PTPRG: variants seen among roughly 807,000 people sequenced by gnomAD.
PTPRG encodes the protein receptor-type tyrosine-protein phosphatase gamma.
In PTPRG, 102 loss-of-function variants were observed where a neutral mutation model predicts 165.3. That is an observed-to-expected ratio of 0.62 (90% CI 0.53 to 0.73). The LOEUF (loss-of-function observed/expected upper bound fraction) is 0.73. Among genes scored for constraint, PTPRG ranks in the 30% least tolerant of loss-of-function variants. The pLI, the probability that PTPRG is intolerant of heterozygous loss-of-function variation, is 0.00. For missense variants in PTPRG, 1,866 were observed against 1,861.4 expected (o/e 1.00, Z -0.05); for synonymous variants, 675 against 669.5 (o/e 1.01, Z -0.13).
chr3:61,836,392 T>C (rs1159208307), intron 2 of PTPRG, among the ~76,000 whole-genome samples: 2 of 152,172 alleles, frequency 1.3e-5, no homozygotes, highest in African/African-American at 4.8e-5. Flanking sequence ...AGTTGTAACA[T>C]TTTGAGGCCT....
chr3:62,168,817 A>G (rs1576088851), intron 8 of PTPRG, among the ~76,000 whole-genome samples: 2 of 152,186 alleles, frequency 1.3e-5, no homozygotes, highest in South Asian at 4.1e-4. Context: ...CTTGGTACCC[A>G]GGTCCTTGTC....
intron 1 of PTPRG, among the ~76,000 whole-genome samples, chr3:61,696,762 G>A (rs979629814): frequency 6.6e-6 from 1 of 152,342 alleles, no homozygotes; most frequent in South Asian, 2.1e-4. Flanking sequence ...TTTAGCCAGT[G>A]TAGGGTAGAC....
At chr3:61,936,913 G>C (rs2039496471) in intron 2 of PTPRG, among the ~76,000 whole-genome samples, 1 of 152,232 alleles carries the variant, frequency 6.6e-6, no homozygotes, top group Non-Finnish European at 1.5e-5. Context: ...TGGCTTAGAA[G>C]CAGAACTTGA....
At chr3:62,139,323 G>A (rs1416464290) in intron 6 of PTPRG, among the ~76,000 whole-genome samples, 1 of 152,060 alleles carries the variant, frequency 6.6e-6, no homozygotes, top group Non-Finnish European at 1.5e-5. Context: ...ACCAGGCTTG[G>A]TGGCGGGCAC....
chr3:62,009,488 A>C (rs1164872104), intron 4 of PTPRG, among the ~76,000 whole-genome samples: 1 of 152,088 alleles, frequency 6.6e-6, no homozygotes. Context: ...TTGACCTCCT[A>C]CTGCACTCTT....
At chr3:61,578,345 G>A (rs1479984308) in intron 1 of PTPRG, among the ~76,000 whole-genome samples, 1 of 152,198 alleles carries the variant, frequency 6.6e-6, no homozygotes, top group East Asian at 1.9e-4. Context: ...CCTGGTGCCT[G>A]ATGAAAGAGC....
At chr3:62,098,954 C>T (rs951057530) in intron 5 of PTPRG, among the ~76,000 whole-genome samples, 3 of 152,138 alleles carry the variant, frequency 2.0e-5, no homozygotes, top group African/African-American at 4.8e-5. Flanking sequence ...AAACAAAAGG[C>T]ATATCGTAGT....
intron 6 of PTPRG, among the ~76,000 whole-genome samples, chr3:62,137,730 A>G (rs1311813477): frequency 1.3e-5 from 2 of 152,136 alleles, no homozygotes; most frequent in South Asian, 2.1e-4. Context: ...TGAGCTGGTC[A>G]TCACTCGTTG....
At chr3:61,592,440 CAGTA>C (rs889838097) in intron 1 of PTPRG, among the ~76,000 whole-genome samples, 7 of 152,076 alleles carry the variant, frequency 4.6e-5, no homozygotes, top group Non-Finnish European at 8.8e-5. Flanking sequence ...GAGTTTCTCT[CAGTA>C]AGAGGCACTG....
intron 1 of PTPRG, among the ~76,000 whole-genome samples, chr3:61,598,489 TTGA>T (rs1446670153): frequency 2.6e-5 from 4 of 152,152 alleles, no homozygotes; most frequent in African/African-American, 2.4e-5. Flanking sequence ...GCTTTATTAC[TTGA>T]TGATAGAGTG....
intron 6 of PTPRG, 107 bp downstream of exon 6, chr3:62,132,775 C>A: frequency 9.8e-7 from 1 of 1,018,450 alleles, no homozygotes; most frequent in Non-Finnish European, 1.6e-6. Flanking sequence ...ACCTATTCCT[C>A]ATCCCCTGAT....
intron 3 of PTPRG, among the ~76,000 whole-genome samples, chr3:61,995,142 G>C (rs2040997154): frequency 7.8e-6 from 1 of 127,532 alleles, no homozygotes; most frequent in Admixed American, 9.7e-5. Context: ...AGGCTGGAAT[G>C]CAATGTCACC....
At chr3:61,820,576 T>A (rs673595) in intron 2 of PTPRG, among the ~76,000 whole-genome samples, 1 of 149,854 alleles carries the variant, frequency 6.7e-6, no homozygotes, top group Non-Finnish European at 1.5e-5. Flanking sequence ...AACACTCCCC[T>A]TTTTAATTTC....
At chr3:61,784,912 G>T (rs966639155) in intron 2 of PTPRG, among the ~76,000 whole-genome samples, 5 of 152,154 alleles carry the variant, frequency 3.3e-5, no homozygotes, top group African/African-American at 1.2e-4. Flanking sequence ...AAATTAGAGA[G>T]TTGAAGGTCG....
intron 4 of PTPRG, among the ~76,000 whole-genome samples, chr3:62,005,109 C>T (rs34362232): frequency 7.1e-4 from 108 of 152,168 alleles, no homozygotes; most frequent in Non-Finnish European, 1.3e-3. Context: ...CCAGAGATAA[C>T]TACTCTGAGA....
intron 2 of PTPRG, among the ~76,000 whole-genome samples, chr3:61,786,836 G>GTCTTT: frequency 6.6e-6 from 1 of 152,128 alleles, no homozygotes; most frequent in Non-Finnish European, 1.5e-5. Flanking sequence ...TTGTGTCTTT[G>GTCTTT]AAATGTCCCA....
rs1413833531 is a variant in PTPRG at position 62,273,362 on chromosome 3, T to A, written c.3318+281T>A. Among the ~76,000 whole-genome samples the A allele has an allele frequency of 6.6e-6, 1 of 152,176 alleles. No individual in the cohort carries two copies. The highest frequency in any genetic ancestry group is 1.5e-5 in the Non-Finnish European group (1 of 68,036). On this transcript the variant is annotated intron_variant, in intron 22 of 29. Coordinates refer to ENST00000474889, the MANE Select transcript of PTPRG (RefSeq NM_002841.4). This position sits in a 1 kb window ranked among gnomAD's most constrained non-coding sequence, Gnocchi z 4.1. ...AGATGGTAGGGGGAGTTAAACATGT[T>A]GTCTGGCCTGAGAAATACATAGGAG... is the stretch of plus-strand genomic sequence containing the variant.
intron 2 of PTPRG, chr3:61,925,797 G>A (rs766941694): frequency 2.9e-5 from 13 of 443,940 alleles, no homozygotes; most frequent in African/African-American, 8.1e-5. Flanking sequence ...CAACCTATAC[G>A]CCAGTGTTCA....
At chr3:61,632,088 T>G (rs771455864) in intron 1 of PTPRG, among the ~76,000 whole-genome samples, 1 of 152,178 alleles carries the variant, frequency 6.6e-6, no homozygotes, top group African/African-American at 2.4e-5. Context: ...GCAGATTGCT[T>G]GAACCCAGGA....
Sources: allele counts gnomAD v4.1 joint callset (sites outside exome capture counted in the v4.1 genomes callset), GRCh38; gene constraint gnomAD v4.1.1; non-coding constraint Gnocchi (gnomAD v3.1); transcripts MANE v1.5; gene names NCBI Gene and HGNC (gene_info 2026-07-23, HGNC 2026-07-21).